SBK1: variants seen among roughly 807,000 people sequenced by gnomAD.
The protein encoded by SBK1 is SH3 domain binding kinase 1.
In SBK1, 11 loss-of-function variants were observed where a neutral mutation model predicts 24.4. The observed-to-expected ratio is 0.45, with a 90% confidence interval of 0.28 to 0.75. SBK1 has a LOEUF of 0.75. Ranked by LOEUF, SBK1 falls within the 30% of genes least tolerant of loss-of-function variation. The pLI, the probability that SBK1 is intolerant of heterozygous loss-of-function variation, is 0.12. For missense variants in SBK1, 467 were observed against 620.5 expected, an observed-to-expected ratio of 0.75 and a Z score of 2.63; for synonymous variants, 308 against 284.4, an observed-to-expected ratio of 1.08 and a Z score of -0.83.
intron 1 of SBK1, among the ~76,000 whole-genome samples, chr16:28,267,900 C>A (rs371714949): frequency 4.6e-5 from 7 of 152,162 alleles, no homozygotes; most frequent in African/African-American, 1.7e-4. Context: ...GTAATCCCAG[C>A]GCTTTGGGAG....
Position 28,259,544 on chromosome 16 carries a change from C to T in SBK1, c.257+42C>T. On this transcript the variant is annotated intron_variant, in intron 1 of 3. Coordinates refer to the SBK1 transcript ENST00000671413. The surrounding 1 kb of genome is among the most constrained non-coding windows in gnomAD (Gnocchi z 6.0). ...GGCCAGTGGGTGGGCAGCAGGTGGG[C>T]ACAGCGCTCGACCCAGGGTGCCTGT... is the stretch of plus-strand genomic sequence containing the variant. 2 of 709,932 alleles carry T rather than the reference C, an allele frequency of 2.8e-6. No homozygotes were observed. Among genetic ancestry groups the T allele is most frequent in the South Asian group, 6.4e-5 (1 of 15,728 alleles). 44.0% of individuals were successfully genotyped at this position (709,932 alleles called of 1,614,324 possible).
At chr16:28,298,592 A>G (rs572808665) in intron 1 of SBK1, among the ~76,000 whole-genome samples, 2 of 152,228 alleles carry the variant, frequency 1.3e-5, no homozygotes, top group Non-Finnish European at 2.9e-5. Flanking sequence ...GTGAGGATTA[A>G]GTGGATCTGT....
chr16:28,268,641 T>A (rs2044444654), intron 1 of SBK1, among the ~76,000 whole-genome samples: 1 of 151,910 alleles, frequency 6.6e-6, no homozygotes, highest in Non-Finnish European at 1.5e-5. Flanking sequence ...CACGTGCCTG[T>A]AGTCCCAGCT....
At position 28,320,441 on chromosome 16, in the gene SBK1, G is replaced by T. The variant is rs1397198553; in HGVS notation, c.795G>T (p.Glu265Asp). ...AASGADAFFE[E>D]FVRWQRGRLP... Reference sequence around the variant, plus strand: ...CGGGCGCCGACGCCTTCTTCGAGGAGTTCGTGCGCTGGCAGCGGGGCCGCC... The same window carrying T: ...CGGGCGCCGACGCCTTCTTCGAGGATTTCGTGCGCTGGCAGCGGGGCCGCC... The change falls in exon 4 of 4, where the codon GAG becomes GAT. Residue 265 changes from glutamate to aspartate, a missense_variant. By Grantham distance (45) the Glu-to-Asp change is conservative. Coordinates refer to ENST00000341901, the MANE Select transcript of SBK1 (RefSeq NM_001024401.3). The surrounding 1 kb of genome is among the most constrained non-coding windows in gnomAD (Gnocchi z 8.5). 2 of 1,582,392 alleles carry T rather than the reference G, an allele frequency of 1.3e-6. No homozygotes were observed. The highest frequency in any genetic ancestry group is 1.4e-5 in the African/African-American group (1 of 73,994).
rs981789539 is a variant in SBK1 at position 28,293,050 on chromosome 16, C to T, written c.-258C>T. ...AGAACGCCCCTAGATCAGGGGATCCCAATTCCCCCCAACTCCGGTACATAG... is the reference window on the plus strand; with the variant it reads ...AGAACGCCCCTAGATCAGGGGATCCTAATTCCCCCCAACTCCGGTACATAG... On this transcript the variant is annotated 5_prime_UTR_variant, in exon 1 of 4. Transcript: ENST00000341901. The T allele has an allele frequency of 2.0e-6, 2 of 985,366 alleles. No individual in the cohort carries two copies. The highest frequency in any genetic ancestry group is 1.2e-6 in the Non-Finnish European group (1 of 829,876). The allele number at this position is 985,366 out of a possible 1,614,324, so 61.0% of individuals were successfully genotyped here. A position where few individuals can be genotyped will look rare whatever the true frequency, so the allele number is the denominator to read the frequency against.
At chr16:28,300,040 G>A (rs553776726) in intron 1 of SBK1, among the ~76,000 whole-genome samples, 7 of 152,142 alleles carry the variant, frequency 4.6e-5, no homozygotes, top group African/African-American at 7.2e-5. Context: ...CCTCTTTCCC[G>A]CTCTGCTGTT....
chr16:28,270,438 T>C (rs1567669935), intron 1 of SBK1, among the ~76,000 whole-genome samples: 1 of 136,886 alleles, frequency 7.3e-6, no homozygotes, highest in African/African-American at 2.7e-5. Flanking sequence ...ATTATTATTA[T>C]TACTAAAGAC....
At chr16:28,278,998 G>A (rs1264115526) in intron 1 of SBK1, among the ~76,000 whole-genome samples, 2 of 152,168 alleles carry the variant, frequency 1.3e-5, no homozygotes, top group Non-Finnish European at 2.9e-5. Flanking sequence ...GGCCAAGGCG[G>A]GTGGATCACT....
chr16:28,310,487 A>G (rs2044746749), intron 1 of SBK1, among the ~76,000 whole-genome samples: 1 of 152,178 alleles, frequency 6.6e-6, no homozygotes, highest in Non-Finnish European at 1.5e-5. Flanking sequence ...CACAAGAGTG[A>G]AAGGTACCAG....
chr16:28,265,010 G>A (rs2044419509), intron 1 of SBK1, among the ~76,000 whole-genome samples: 1 of 152,052 alleles, frequency 6.6e-6, no homozygotes, highest in African/African-American at 2.4e-5. Context: ...ATTGGAACAC[G>A]CCTGCAATCC....
intron 1 of SBK1, among the ~76,000 whole-genome samples, chr16:28,267,788 C>G (rs185475624): frequency 1.4e-4 from 22 of 152,300 alleles, no homozygotes; most frequent in Admixed American, 1.0e-3. Flanking sequence ...CTAAGTACCT[C>G]TGGAAATGAG....
At chr16:28,306,781 CA>C (rs2044719261) in intron 1 of SBK1, among the ~76,000 whole-genome samples, 1 of 152,216 alleles carries the variant, frequency 6.6e-6, no homozygotes, top group Non-Finnish European at 1.5e-5. Flanking sequence ...CAGGGTGTGA[CA>C]AACGCTGGGT....
At chr16:28,265,743 G>A (rs2044424084) in intron 1 of SBK1, among the ~76,000 whole-genome samples, 1 of 152,032 alleles carries the variant, frequency 6.6e-6, no homozygotes. Context: ...GGAGAGTGAA[G>A]CAGGCGGATC....
Position 28,280,350 on chromosome 16 carries a change from A to AATATATATAT in SBK1, c.257+20855_257+20864dup, listed in dbSNP as rs535039780. Among the ~76,000 whole-genome samples the AATATATATAT allele has an allele frequency of 7.1e-3, 992 of 139,452 alleles. 8 individuals are homozygous for AATATATATAT. The highest frequency in any genetic ancestry group is 0.025 in the African/African-American group (948 of 38,112). The allele number at this position is 139,452 out of a possible 152,430, so 91.5% of individuals were successfully genotyped here. ...CGTACATATGTATATATATATATAA[A>AATATATATAT]ATATATATATATATATTTGTTTGTT... is the stretch of plus-strand genomic sequence containing the variant. On this transcript the variant is annotated intron_variant, in intron 1 of 3. Transcript: ENST00000671413.
chr16:28,308,740 GGTGT>G (rs763015809), intron 1 of SBK1, among the ~76,000 whole-genome samples: 3,647 of 130,542 alleles, frequency 0.028, 104 homozygotes, highest in African/African-American at 0.073. Context: ...CGTTCTTTGG[GGTGT>G]GTGTGTGTGT....
rs2044612240 is a variant in SBK1 at position 28,292,978 on chromosome 16, G to A, written c.-330G>A. 7.1e-6 allele frequency: 7 copies of A among 984,580 alleles called. No homozygotes were observed. The highest frequency in any genetic ancestry group is 1.8e-5 in the African/African-American group (1 of 57,116). The allele number at this position is 984,580 out of a possible 1,614,324, so 61.0% of individuals were successfully genotyped here. A position where few individuals can be genotyped will look rare whatever the true frequency, so the allele number is the denominator to read the frequency against. On this transcript the variant is annotated 5_prime_UTR_variant, in exon 1 of 4. Transcript: ENST00000341901. ...CGGGATTGCGAGAACCCCCTCCCAA[G>A]ATCCGGTCATTACAACTCCACACCT...
upstream of SBK1, among the ~76,000 whole-genome samples, chr16:28,289,815 G>A (rs1303848089): frequency 6.6e-6 from 1 of 151,910 alleles, no homozygotes; most frequent in Non-Finnish European, 1.5e-5. Context: ...GCTGGGCGTG[G>A]TGGCTCACAC....
rs1487406294 is a variant in SBK1, at chr16:28,292,555, C to CGCCGGG, written c.-743_-738dup. 9.2e-6 allele frequency: 9 copies of CGCCGGG among 977,236 alleles called. No homozygotes were observed. Among genetic ancestry groups the CGCCGGG allele is most frequent in the Non-Finnish European group, 1.1e-5 (9 of 826,746 alleles). The allele number at this position is 977,236 out of a possible 1,614,324, so 60.5% of individuals were successfully genotyped here. A position where few individuals can be genotyped will look rare whatever the true frequency, so the allele number is the denominator to read the frequency against. On this transcript the variant is annotated 5_prime_UTR_variant, in exon 1 of 4. Coordinates refer to ENST00000341901, the MANE Select transcript of SBK1 (RefSeq NM_001024401.3). ...CGCGATGGAGCGCAGCCCGGGCGGGCGCCGGGGCCGGGGCCCGAGCGCCAG... is the reference window on the plus strand; with the variant it reads ...CGCGATGGAGCGCAGCCCGGGCGGGCGCCGGGGCCGGGGCCGGGGCCCGAGCGCCAG...
In SBK1 at chr16:28,320,706, A is replaced by G; in HGVS notation, c.1060A>G (p.Thr354Ala). 2 of 1,121,114 alleles carry G rather than the reference A, an allele frequency of 1.8e-6. No individual in the cohort carries two copies. Among genetic ancestry groups the G allele is most frequent in the Non-Finnish European group, 2.2e-6 (2 of 914,342 alleles). 69.4% of individuals were successfully genotyped at this position (1,121,114 alleles called of 1,614,324 possible). A position where few individuals can be genotyped will look rare whatever the true frequency, so the allele number is the denominator to read the frequency against. ...CGAGGCGCCTGGGCCGCTCAAGCGG[A>G]CGGTGCTGACCGAGAGCGGCAGCGG... ...RLEAPGPLKRTVLTESGSGSR... is the reference protein window; with the variant it reads ...RLEAPGPLKRAVLTESGSGSR... The change falls in exon 4 of 4, where the codon ACG (threonine) becomes GCG (alanine). Residue 354 changes from threonine to alanine, a missense_variant. Coordinates refer to ENST00000341901, the MANE Select transcript of SBK1 (RefSeq NM_001024401.3). This position sits in a 1 kb window ranked among gnomAD's most constrained non-coding sequence, Gnocchi z 8.5.
Sources: allele counts gnomAD v4.1 joint callset (sites outside exome capture counted in the v4.1 genomes callset), GRCh38; gene constraint gnomAD v4.1.1; non-coding constraint Gnocchi (gnomAD v3.1); transcripts MANE v1.5; gene names NCBI Gene and HGNC (gene_info 2026-07-23, HGNC 2026-07-21).